The following DMD variants were observed in gnomAD, a reference collection of about 807,000 sequenced individuals.
DMD encodes mutant dystrophin.
A neutral mutation model predicts 330.1 loss-of-function variants in DMD; 63 were observed. The observed-to-expected ratio is 0.19, with a 90% CI of 0.16 to 0.24. The LOEUF (loss-of-function observed/expected upper bound fraction) is 0.24, where lower values mean the gene tolerates loss of function less well. Ranked by LOEUF, DMD falls within the 10% of genes least tolerant of loss-of-function variation. DMD has a pLI of 1.00. For missense variants in DMD, 3,344 were observed against 2,684.1 expected (o/e 1.25, Z -5.43); for synonymous variants, 1,223 against 959.8 (o/e 1.27, Z -5.07).
chrX:32,817,444 T>C (rs937100760), intron 5 of DMD, among the ~76,000 whole-genome samples: 1 of 112,451 alleles, frequency 8.9e-6, no homozygotes, highest in Non-Finnish European at 1.9e-5. Context: ...AGTCATCTGA[T>C]GCAGAAATCC....
intron 62 of DMD, among the ~76,000 whole-genome samples, chrX:31,312,236 C>T (rs931000625): frequency 2.7e-5 from 3 of 112,262 alleles, no homozygotes; most frequent in African/African-American, 9.7e-5. Context: ...CCAGAATTTA[C>T]AAGGAACTTA....
intron 60 of DMD, among the ~76,000 whole-genome samples, chrX:31,370,705 C>T (rs908009506): frequency 1.1e-4 from 12 of 112,288 alleles, no homozygotes; most frequent in African/African-American, 3.6e-4. Flanking sequence ...GAAATAAAAA[C>T]TTATGTTCAC....
chrX:32,762,510 A>G (rs1430629575), intron 7 of DMD, among the ~76,000 whole-genome samples: 3 of 111,639 alleles, frequency 2.7e-5, no homozygotes, highest in Non-Finnish European at 5.6e-5. Context: ...TGATGATTTT[A>G]AAGCAAGAAG....
At chrX:32,582,958 G>C (rs1392708339) in intron 13 of DMD, among the ~76,000 whole-genome samples, 1 of 111,497 alleles carries the variant, frequency 9.0e-6, no homozygotes, top group Non-Finnish European at 1.9e-5. Context: ...TGGGACAGTA[G>C]GAGCCTAACT....
chrX:32,500,058 T>C (rs898802965), intron 19 of DMD, among the ~76,000 whole-genome samples: 6 of 110,648 alleles, frequency 5.4e-5, no homozygotes, highest in Non-Finnish European at 9.5e-5. Context: ...GACCATATCT[T>C]TACTGGTAGA....
chrX:32,394,116 A>ATT (rs34520811), intron 30 of DMD, among the ~76,000 whole-genome samples: 6 of 109,697 alleles, frequency 5.5e-5, no homozygotes, highest in African/African-American at 1.3e-4. Context: ...ACATAAAGTG[A>ATT]TTTTTTTTAA....
chrX:32,926,211 A>G lies in DMD; in HGVS notation c.94-76391T>C, dbSNP rs185248309. On this transcript the variant is annotated intron_variant, in intron 2 of 78. Transcript: ENST00000357033. Reference sequence around the variant, plus strand: ...TAAGCCAGGCACAGAAAGCCAAATAACATATGATCTCGCTTATTATAGGTG... The same window carrying G: ...TAAGCCAGGCACAGAAAGCCAAATAGCATATGATCTCGCTTATTATAGGTG... Among the ~76,000 whole-genome samples, 3 of 112,227 alleles carry G rather than the reference A, an allele frequency of 2.7e-5. No homozygotes were observed. In the Admixed American group the frequency reaches 2.8e-4, roughly 11 times the overall value.
At chrX:33,177,217 T>A (rs1235572344) in intron 1 of DMD, among the ~76,000 whole-genome samples, 2 of 110,926 alleles carry the variant, frequency 1.8e-5, no homozygotes, top group African/African-American at 3.3e-5. Flanking sequence ...TAAGAACAAG[T>A]CTCTGGAGAA....
chrX:32,791,265 G>T (rs2075800415), intron 7 of DMD, among the ~76,000 whole-genome samples: 1 of 111,752 alleles, frequency 8.9e-6, no homozygotes, highest in Admixed American at 9.4e-5. Context: ...TGCTGCCCCT[G>T]GGCTGGGAAC....
intron 44 of DMD, among the ~76,000 whole-genome samples, chrX:32,194,202 G>A (rs58151710): frequency 0.17 from 18,830 of 111,226 alleles, 1,260 homozygotes; most frequent in African/African-American, 0.24. Context: ...ACTTTTTTCA[G>A]TTGAGGCATA....
intron 1 of DMD, among the ~76,000 whole-genome samples, chrX:33,152,078 T>C (rs2048304971): frequency 9.0e-6 from 1 of 111,682 alleles, no homozygotes; most frequent in Non-Finnish European, 1.9e-5. Flanking sequence ...GTATGTTTTG[T>C]TTTTATATTT....
At chrX:31,280,392 A>C (rs2052523403) in intron 62 of DMD, among the ~76,000 whole-genome samples, 1 of 111,685 alleles carries the variant, frequency 9.0e-6, no homozygotes, top group Non-Finnish European at 1.9e-5. Context: ...TTGAAAATGC[A>C]AAGTAATACA....
At position 32,046,958 on chromosome X, in the gene DMD, C is replaced by T. The variant is rs2096068736; in HGVS notation, c.6439-78444G>A. ...GTCTCTACTCTTTGTTTTTTACATACTATGACAAAAGAGTCATAAGACATA... is the reference window on the plus strand; with the variant it reads ...GTCTCTACTCTTTGTTTTTTACATATTATGACAAAAGAGTCATAAGACATA... On this transcript the variant is annotated intron_variant, in intron 44 of 78. Transcript: ENST00000357033. Among the ~76,000 whole-genome samples, 3 of 111,435 alleles carry T rather than the reference C, an allele frequency of 2.7e-5. No homozygotes were observed. In the South Asian group the frequency reaches 1.1e-3, roughly 41 times the overall value.
At position 32,248,927 on chromosome X, in the gene DMD, T is replaced by C. The variant is rs182910240; in HGVS notation, c.6291-31864A>G. Among the ~76,000 whole-genome samples the C allele has an allele frequency of 3.1e-3, 341 of 111,441 alleles. 1 individual carries two copies. The highest frequency in any genetic ancestry group is 9.8e-3 in the African/African-American group (302 of 30,804). On this transcript the variant is annotated intron_variant, in intron 43 of 78. Coordinates refer to ENST00000357033, the MANE Select transcript of DMD (RefSeq NM_004006.3). Reference sequence around the variant, plus strand: ...ATGTTCATTTTTATAATAGTATCATTCTTATATAGGGACCAAGACAGGATA... The same window carrying C: ...ATGTTCATTTTTATAATAGTATCATCCTTATATAGGGACCAAGACAGGATA...
chrX:31,269,876 T>C (rs1041737866), intron 62 of DMD, among the ~76,000 whole-genome samples: 4 of 112,093 alleles, frequency 3.6e-5, no homozygotes, highest in African/African-American at 1.3e-4. Flanking sequence ...TTCTGCTCTG[T>C]GGCCCAGGAG....
chrX:32,233,189 G>A (rs1339642588), intron 43 of DMD, among the ~76,000 whole-genome samples: 2 of 111,995 alleles, frequency 1.8e-5, no homozygotes, highest in Non-Finnish European at 3.8e-5. Flanking sequence ...ATGAACTGAA[G>A]TTGTAGCACA....
At chrX:32,365,771 A>G (rs1378931895) in intron 34 of DMD, among the ~76,000 whole-genome samples, 1 of 112,302 alleles carries the variant, frequency 8.9e-6, no homozygotes, top group Admixed American at 9.5e-5. Context: ...TACATGTTTT[A>G]TTTCCTAATA....
rs144965992 is a variant in DMD at position 31,211,969 on chromosome X, C to G, written c.9362-2270G>C. On this transcript the variant is annotated intron_variant, in intron 64 of 78. Transcript: ENST00000357033. ...AAGGAGGTGAGAATATCAATAGGGA[C>G]AATTTAATTGCCATGCATATGCTTT... Among the ~76,000 whole-genome samples the G allele has an allele frequency of 2.7e-3, 305 of 110,952 alleles. 1 individual carries two copies. The highest frequency in any genetic ancestry group is 9.7e-3 in the African/African-American group (297 of 30,570).
intron 41 of DMD, among the ~76,000 whole-genome samples, chrX:32,322,610 T>C (rs1298344603): frequency 9.0e-6 from 1 of 111,325 alleles, no homozygotes; most frequent in Admixed American, 9.6e-5. Context: ...AGGGACACAT[T>C]TAGAAACATT....
Sources: gnomAD v4.1 joint callset for allele counts (sites outside exome capture counted in the v4.1 genomes callset) on GRCh38, gnomAD v4.1.1 for gene constraint, MANE v1.5 for transcripts, NCBI Gene and HGNC (gene_info 2026-07-23, HGNC 2026-07-21) for gene names.